Variants in COL4A1 observed in about 807,000 individuals in gnomAD.
COL4A1 encodes the protein collagen type IV alpha 1 chain, also known as collagen alpha-1(IV) chain.
A neutral mutation model predicts 216.6 loss-of-function variants in COL4A1; 40 were observed. The observed-to-expected ratio is 0.18, with a 90% CI of 0.14 to 0.24. COL4A1 has a LOEUF of 0.24. COL4A1 is among the 10% of genes least tolerant of loss of function. The pLI is 1.00. For synonymous variants in COL4A1, 839 were observed against 810.7 expected (o/e 1.03, Z -0.59); for missense variants, 1,628 against 2,196.8 (o/e 0.74, Z 5.18).
At chr13:110,293,717 A>G (rs1401323576) in intron 1 of COL4A1, among the ~76,000 whole-genome samples, 1 of 152,172 alleles carries the variant, frequency 6.6e-6, no homozygotes, top group Admixed American at 6.5e-5. Flanking sequence ...TTCTAGAATT[A>G]TTTTCCACCA....
chr13:110,257,146 C>G (rs558168763), intron 1 of COL4A1, among the ~76,000 whole-genome samples: 1 of 152,352 alleles, frequency 6.6e-6, no homozygotes, highest in Admixed American at 6.5e-5. Context: ...CTCTTGAAAA[C>G]ATCACCTTCT....
At chr13:110,292,959 A>G (rs1338730823) in intron 1 of COL4A1, among the ~76,000 whole-genome samples, 2 of 152,246 alleles carry the variant, frequency 1.3e-5, no homozygotes, top group East Asian at 1.9e-4. Flanking sequence ...CCTCAAATTC[A>G]TAAGTAGATT....
chr13:110,215,146 A>G (rs553465257), intron 2 of COL4A1, among the ~76,000 whole-genome samples: 1 of 152,318 alleles, frequency 6.6e-6, no homozygotes, highest in South Asian at 2.1e-4. Context: ...TCCTCTTTAG[A>G]GACCATTAGG....
intron 1 of COL4A1, among the ~76,000 whole-genome samples, chr13:110,304,199 C>T (rs60993692): frequency 6.6e-6 from 1 of 152,270 alleles, no homozygotes; most frequent in East Asian, 1.9e-4. Context: ...AATATCACTC[C>T]TGAGATCCTG....
intron 18 of COL4A1, 21 bp downstream of exon 18, chr13:110,203,545 A>G: frequency 1.9e-6 from 3 of 1,613,900 alleles, no homozygotes; most frequent in Non-Finnish European, 2.5e-6. Flanking sequence ...TCACAGACCC[A>G]GGGACAGCAC....
At chr13:110,285,879 A>C (rs1883826225) in intron 1 of COL4A1, among the ~76,000 whole-genome samples, 1 of 152,128 alleles carries the variant, frequency 6.6e-6, no homozygotes, top group South Asian at 2.1e-4. Flanking sequence ...ATATCTCTAT[A>C]AACTATCTGG....
chr13:110,295,687 A>G (rs1884249525), intron 1 of COL4A1, among the ~76,000 whole-genome samples: 1 of 152,160 alleles, frequency 6.6e-6, no homozygotes, highest in South Asian at 2.1e-4. Context: ...CGTCCTCTTA[A>G]AGTGCTGGGA....
intron 1 of COL4A1, among the ~76,000 whole-genome samples, chr13:110,244,479 A>G (rs917034736): frequency 6.6e-6 from 1 of 152,124 alleles, no homozygotes; most frequent in African/African-American, 2.4e-5. Flanking sequence ...TTTGGTGACC[A>G]CTCAGAGGCA....
At chr13:110,247,696 C>T (rs1241142258) in intron 1 of COL4A1, among the ~76,000 whole-genome samples, 3 of 151,562 alleles carry the variant, frequency 2.0e-5, no homozygotes, top group Non-Finnish European at 4.4e-5. Flanking sequence ...ACAGTGAATT[C>T]CATTCCAGAG....
In COL4A1 at chr13:110,179,187, A is replaced by G. The variant is rs480831; in HGVS notation, c.2344+84T>C. On this transcript the variant is annotated intron_variant, in intron 30 of 51. Transcript: ENST00000375820. ...TCGTTCGTTCAACAAATACATATCA[A>G]ATATACTCGGTAGGGGCTCTGGGAA... The G allele has an allele frequency of 5.9e-3, 9,442 of 1,588,844 alleles. 403 individuals are homozygous for G. The African/African-American group carries it at 0.1, about 17-fold the overall frequency.
At chr13:110,192,321 C>T (rs1373839403) in intron 23 of COL4A1, 37 bp from the exon 24 acceptor site, 4 of 1,584,784 alleles carry the variant, frequency 2.5e-6, no homozygotes, top group Non-Finnish European at 2.6e-6. Context: ...AGCAACACAG[C>T]ATTCATGAGA....
intron 35 of COL4A1, 47 bp downstream of exon 35, chr13:110,176,579 T>G (rs749307404): frequency 1.1e-5 from 17 of 1,595,736 alleles, no homozygotes; most frequent in Non-Finnish European, 1.4e-5. Context: ...AACACAGGCC[T>G]CATCCTGAGC....
rs141999621 is a variant in COL4A1, at chr13:110,236,978, T to C, written c.144+5697A>G. On this transcript the variant is annotated intron_variant, in intron 2 of 51. Coordinates refer to ENST00000375820, the MANE Select transcript of COL4A1 (RefSeq NM_001845.6). ...CACACAGGGGCTCGCTGTGGGTTAG[T>C]TGTTGAACCGGGCTGGAGGCCCACG... is the stretch of plus-strand genomic sequence containing the variant. 5.1e-3 allele frequency among the ~76,000 whole-genome samples: 775 copies of C among 152,180 alleles called. 8 individuals carry two copies. The highest frequency in any genetic ancestry group is 0.018 in the African/African-American group (736 of 41,528).
At chr13:110,300,926 G>C (rs1884466667) in intron 1 of COL4A1, among the ~76,000 whole-genome samples, 1 of 152,146 alleles carries the variant, frequency 6.6e-6, no homozygotes, top group Admixed American at 6.5e-5. Flanking sequence ...CATTTGTCTT[G>C]TACCTTAAAG....
chr13:110,203,723 AT>A (rs1879354039), intron 17 of COL4A1, 116 bp from the exon 18 acceptor site: 2 of 1,123,864 alleles, frequency 1.8e-6, no homozygotes, highest in Non-Finnish European at 2.7e-6. Flanking sequence ...AATTAAAACT[AT>A]TTTTCTCTCT....
intron 2 of COL4A1, among the ~76,000 whole-genome samples, chr13:110,217,919 T>TA (rs1268568121): frequency 1.3e-5 from 2 of 152,216 alleles, no homozygotes; most frequent in African/African-American, 2.4e-5. Context: ...ATATACTTTT[T>TA]AAAAAATCCT....
intron 2 of COL4A1, among the ~76,000 whole-genome samples, chr13:110,218,393 T>C (rs1044766738): frequency 5.9e-5 from 9 of 152,198 alleles, no homozygotes; most frequent in Admixed American, 1.3e-4. Context: ...GGTTTGGTAC[T>C]GAGCACTGAG....
intron 1 of COL4A1, among the ~76,000 whole-genome samples, chr13:110,286,573 C>T (rs549030384): frequency 1.3e-5 from 2 of 152,282 alleles, no homozygotes; most frequent in Non-Finnish European, 2.9e-5. Flanking sequence ...AGCTGGGATA[C>T]AGAGGAGCCG....
At position 110,307,017 on chromosome 13, in the gene COL4A1, C is replaced by G; in HGVS notation, c.11G>C (p.Arg4Pro). The G allele has an allele frequency of 6.8e-7, 1 of 1,467,564 alleles. No homozygotes were observed. Among genetic ancestry groups the G allele is most frequent in the Non-Finnish European group, 9.0e-7 (1 of 1,114,760 alleles). 90.9% of individuals were successfully genotyped at this position (1,467,564 alleles called of 1,614,324 possible). ...CAGCAGCAGCAGCCAGACGCTGAGC[C>G]GGGGCCCCATGGTGGCGCGCCCGAG... MGP[R>P]LSVWLLLLPA... Residue 4 changes from arginine (R) to proline (P), a missense_variant, in exon 1 of 52, where the codon CGG becomes CCG. Coordinates refer to ENST00000375820, the MANE Select transcript of COL4A1 (RefSeq NM_001845.6). The surrounding 1 kb of genome is among the most constrained non-coding windows in gnomAD (Gnocchi z 5.0).
Sources: allele counts gnomAD v4.1 joint callset (sites outside exome capture counted in the v4.1 genomes callset), GRCh38; gene constraint gnomAD v4.1.1; non-coding constraint Gnocchi (gnomAD v3.1); transcripts MANE v1.5; gene names NCBI Gene and HGNC (gene_info 2026-07-23, HGNC 2026-07-21).